Variants in PICALM observed in about 807,000 individuals in gnomAD.
The protein encoded by PICALM is phosphatidylinositol-binding clathrin assembly protein.
PICALM carries 40 observed loss-of-function variants against 80.5 expected under a neutral mutation model. The ratio of observed to expected loss-of-function variants is 0.50; its 90% CI spans 0.39 to 0.65. PICALM has a LOEUF of 0.65. Among genes scored for constraint, PICALM ranks in the 30% least tolerant of loss-of-function variants. PICALM has a pLI of 0.00. For synonymous variants in PICALM, 288 were observed against 260.3 expected (o/e 1.11, Z -1.02); for missense variants, 676 against 778.9 (o/e 0.87, Z 1.57).
At chr11:85,963,625 A>G (rs2093767251) in intron 19 of PICALM, among the ~76,000 whole-genome samples, 3 of 152,232 alleles carry the variant, frequency 2.0e-5, no homozygotes, top group South Asian at 4.1e-4. Flanking sequence ...CAAGTGGTTG[A>G]TGATAGTATC....
At chr11:86,042,606 A>T (rs1316823112) in intron 1 of PICALM, among the ~76,000 whole-genome samples, 2 of 151,556 alleles carry the variant, frequency 1.3e-5, no homozygotes, top group Non-Finnish European at 2.9e-5. Flanking sequence ...TTTGTATTAC[A>T]TGCTAAGAAC....
chr11:86,038,791 G>T (rs749909144), intron 1 of PICALM, among the ~76,000 whole-genome samples: 1 of 149,740 alleles, frequency 6.7e-6, no homozygotes, highest in Non-Finnish European at 1.5e-5. Context: ...AAAAAAAAAA[G>T]GTAAGTCAAA....
chr11:85,983,979 T>C lies in PICALM; in HGVS notation c.1409-6A>G. The C allele has an allele frequency of 7.2e-7, 1 of 1,389,264 alleles. No homozygotes were observed. The highest frequency in any genetic ancestry group is 1.0e-6 in the Non-Finnish European group (1 of 984,656). 86.1% of individuals were successfully genotyped at this position (1,389,264 alleles called of 1,614,324 possible). ...AACTGGAGAAGGAGTGAATCCTGAGTAAACCAAAATGGAAAAAAGCTCAAT... is the reference window on the plus strand; with the variant it reads ...AACTGGAGAAGGAGTGAATCCTGAGCAAACCAAAATGGAAAAAAGCTCAAT... On this transcript the variant is annotated splice_polypyrimidine_tract_variant and splice_region_variant and intron_variant, in intron 13 of 19. Coordinates refer to ENST00000393346, the MANE Select transcript of PICALM (RefSeq NM_007166.4).
chr11:86,041,015 G>A (rs1351999819), intron 1 of PICALM, among the ~76,000 whole-genome samples: 1 of 152,056 alleles, frequency 6.6e-6, no homozygotes, highest in East Asian at 1.9e-4. Context: ...TGTTTTGGAG[G>A]GGAAAGCAAA....
chr11:86,004,245 T>C (rs1178328008), intron 8 of PICALM, among the ~76,000 whole-genome samples: 3 of 151,990 alleles, frequency 2.0e-5, no homozygotes, highest in African/African-American at 7.2e-5. Context: ...TAAAGAAGAA[T>C]TAATTAATGG....
chr11:86,024,942 C>A (rs973003094), intron 3 of PICALM, among the ~76,000 whole-genome samples: 8 of 152,174 alleles, frequency 5.3e-5, no homozygotes, highest in African/African-American at 1.7e-4. Context: ...TTGAGCCTCA[C>A]TGTTGAATAT....
intron 8 of PICALM, among the ~76,000 whole-genome samples, chr11:86,005,845 G>T (rs1426969219): frequency 6.6e-6 from 1 of 151,370 alleles, no homozygotes; most frequent in Non-Finnish European, 1.5e-5. Flanking sequence ...TCCCTAAAGT[G>T]TAAATAGCTT....
intron 19 of PICALM, among the ~76,000 whole-genome samples, chr11:85,973,725 T>A (rs971952668): frequency 6.6e-6 from 1 of 152,166 alleles, no homozygotes; most frequent in Non-Finnish European, 1.5e-5. Flanking sequence ...TAAGACTATA[T>A]GCTTTGGCAA....
At chr11:86,008,952 C>CAAAAAAAAAAAAAAAAAAAAAAA (rs59740555) in intron 7 of PICALM, among the ~76,000 whole-genome samples, 2 of 62,848 alleles carry the variant, frequency 3.2e-5, no homozygotes, top group African/African-American at 6.1e-5. Flanking sequence ...AAAAAAAAGC[C>CAAAAAAAAAAAAAAAAAAAAAAA]AAAAAAAAAA....
At chr11:86,004,148 T>C (rs1205692832) in intron 8 of PICALM, among the ~76,000 whole-genome samples, 1 of 152,230 alleles carries the variant, frequency 6.6e-6, no homozygotes, top group Non-Finnish European at 1.5e-5. Flanking sequence ...TGTGGCTTTA[T>C]TTACAATAGT....
chr11:85,969,688 T>C (rs2094033710), intron 19 of PICALM: 2 of 410,326 alleles, frequency 4.9e-6, no homozygotes, highest in Non-Finnish European at 9.7e-6. Flanking sequence ...ACAGTTTACT[T>C]TTTTCTTTTT....
intron 1 of PICALM, among the ~76,000 whole-genome samples, chr11:86,064,381 A>G (rs915375323): frequency 6.6e-6 from 1 of 152,188 alleles, no homozygotes; most frequent in African/African-American, 2.4e-5. Flanking sequence ...AGAGACATAC[A>G]GGATATGGTG....
rs529799035 is a variant in PICALM at position 86,036,237 on chromosome 11, C to T, written c.131-4626G>A. ...TAGGCTAATCAAAGTTAAACACAGG[C>T]AAATTTGCCTAGTCGTAAGTGTCAA... On this transcript the variant is annotated intron_variant, in intron 1 of 19. Transcript: ENST00000393346. 2.0e-5 allele frequency among the ~76,000 whole-genome samples: 3 copies of T among 152,198 alleles called. No homozygotes were observed. In the South Asian group the frequency reaches 6.2e-4, roughly 32 times the overall value.
chr11:86,069,113 G>A (rs914209688), upstream of PICALM: 2 of 277,638 alleles, frequency 7.2e-6, no homozygotes, highest in Non-Finnish European at 6.9e-6. Context: ...GGAGCTTTCC[G>A]GGCTGCCCCG....
At chr11:86,067,814 A>C (rs917062614) in intron 1 of PICALM, among the ~76,000 whole-genome samples, 1 of 152,148 alleles carries the variant, frequency 6.6e-6, no homozygotes, top group African/African-American at 2.4e-5. Flanking sequence ...CCATATCCCC[A>C]TGTGAAAAGC....
intron 1 of PICALM, among the ~76,000 whole-genome samples, chr11:86,064,117 G>A (rs985388279): frequency 3.3e-5 from 5 of 152,190 alleles, no homozygotes; most frequent in Admixed American, 3.3e-4. Flanking sequence ...CATTTTTAAT[G>A]TAGTTACACA....
intron 1 of PICALM, among the ~76,000 whole-genome samples, chr11:86,035,586 TTC>T (rs1593175371): frequency 6.6e-6 from 1 of 152,162 alleles, no homozygotes; most frequent in East Asian, 1.9e-4. Flanking sequence ...GAACGAGAAC[TTC>T]TTTTTTACAC....
intron 8 of PICALM, chr11:86,003,738 A>C (rs2095210330): frequency 4.5e-6 from 1 of 222,920 alleles, no homozygotes; most frequent in South Asian, 1.2e-4. Flanking sequence ...TTTAAAGTAA[A>C]ACCATACTCC....
At chr11:85,999,419 A>T (rs535584706) in intron 11 of PICALM, among the ~76,000 whole-genome samples, 42 of 152,336 alleles carry the variant, frequency 2.8e-4, no homozygotes, top group African/African-American at 8.9e-4. Context: ...AATTTGTTTC[A>T]GCCTCGAACA....
Sources: allele counts gnomAD v4.1 joint callset (sites outside exome capture counted in the v4.1 genomes callset), GRCh38; gene constraint gnomAD v4.1.1; transcripts MANE v1.5; gene names NCBI Gene and HGNC (gene_info 2026-07-23, HGNC 2026-07-21).